ANKRD30BL: variants seen among roughly 807,000 people sequenced by gnomAD.
ANKRD30BL encodes the protein putative ankyrin repeat domain-containing protein 30B-like.
A neutral mutation model predicts 18.4 loss-of-function variants in ANKRD30BL; 20 were observed. The ratio of observed to expected loss-of-function variants is 1.09; its 90% CI spans 0.77 to 1.58. The LOEUF is 1.58. Ranked by LOEUF, ANKRD30BL falls within the 40% of genes most tolerant of loss-of-function variation. The probability of loss-of-function intolerance (pLI) is 0.00; values close to 1 mark genes in which losing one functional copy is unlikely to be tolerated. For synonymous variants in ANKRD30BL, 72 were observed against 100.9 expected (o/e 0.71, Z 1.72); for missense variants, 224 against 268.6 (o/e 0.83, Z 1.16).
At chr2:132,218,111 G>T (rs200472717) in intron 1 of ANKRD30BL, among the ~76,000 whole-genome samples, 1 of 135,448 alleles carries the variant, frequency 7.4e-6, no homozygotes, top group Non-Finnish European at 1.6e-5. Flanking sequence ...TTGGAAACGG[G>T]TATATCTTCA....
chr2:132,235,970 G>T (rs1573875070), intron 1 of ANKRD30BL, among the ~76,000 whole-genome samples: 1 of 152,204 alleles, frequency 6.6e-6, no homozygotes, highest in East Asian at 1.9e-4. Flanking sequence ...AAAACAGCAT[G>T]GTACTGGTAC....
chr2:132,221,198 G>C (rs375806833), intron 1 of ANKRD30BL, among the ~76,000 whole-genome samples: 2 of 142,510 alleles, frequency 1.4e-5, no homozygotes, highest in East Asian at 2.1e-4. Flanking sequence ...GGTGGGGGGG[G>C]GTCAGCCCCC....
chr2:132,245,426 A>T (rs10197418), intron 1 of ANKRD30BL, among the ~76,000 whole-genome samples: 16,546 of 34,634 alleles, frequency 0.48, 2,978 homozygotes, highest in African/African-American at 0.6. Flanking sequence ...AGGCCTATGG[A>T]GAAAAAAGGA....
intron 1 of ANKRD30BL, among the ~76,000 whole-genome samples, chr2:132,247,116 C>A (rs1268388681): frequency 1.2e-5 from 1 of 82,686 alleles, no homozygotes; most frequent in Non-Finnish European, 2.7e-5. Flanking sequence ...ACATTTGGAG[C>A]TCTTTGAGGC....
At chr2:132,207,879 T>A (rs566356087) in intron 1 of ANKRD30BL, among the ~76,000 whole-genome samples, 21 of 152,118 alleles carry the variant, frequency 1.4e-4, no homozygotes, top group Non-Finnish European at 2.6e-4. Context: ...GGAAGACTGG[T>A]TGTAGTTAGT....
At chr2:132,237,269 G>T (rs1050545029) in intron 1 of ANKRD30BL, among the ~76,000 whole-genome samples, 5 of 152,002 alleles carry the variant, frequency 3.3e-5, no homozygotes, top group South Asian at 2.1e-4. Flanking sequence ...AAAACTTAAA[G>T]AATAATAATA....
chr2:132,151,917 T>C (rs549796977), intron 4 of ANKRD30BL, among the ~76,000 whole-genome samples: 1 of 152,296 alleles, frequency 6.6e-6, no homozygotes, highest in African/African-American at 2.4e-5. Flanking sequence ...CCTTAAACTC[T>C]GAACCAACAA....
intron 5 of ANKRD30BL, among the ~76,000 whole-genome samples, chr2:132,148,517 A>G (rs1242049765): frequency 6.6e-6 from 1 of 151,428 alleles, no homozygotes; most frequent in Non-Finnish European, 1.5e-5. Flanking sequence ...TTACATATGC[A>G]TGCCACCCAG....
intron 1 of ANKRD30BL, among the ~76,000 whole-genome samples, chr2:132,227,885 A>G (rs1172655865): frequency 6.6e-6 from 1 of 152,046 alleles, no homozygotes; most frequent in East Asian, 1.9e-4. Flanking sequence ...GGGCATTTGA[A>G]GCGCTTTGCA....
intron 1 of ANKRD30BL, among the ~76,000 whole-genome samples, chr2:132,232,209 A>G (rs1325998250): frequency 1.3e-5 from 2 of 152,236 alleles, no homozygotes. Flanking sequence ...AAAGACCAAC[A>G]GTAGACAAAA....
intron 1 of ANKRD30BL, among the ~76,000 whole-genome samples, chr2:132,233,824 C>T (rs1680082718): frequency 6.6e-6 from 1 of 151,100 alleles, no homozygotes; most frequent in Non-Finnish European, 1.5e-5. Flanking sequence ...CTCAGCTCTG[C>T]ACCAAGTGGA....
At chr2:132,160,493 C>T (rs982844506) in intron 1 of ANKRD30BL, among the ~76,000 whole-genome samples, 14 of 148,142 alleles carry the variant, frequency 9.5e-5, no homozygotes, top group African/African-American at 3.3e-4. Context: ...GGCTGGAGTG[C>T]AGTGGTGCGA....
chr2:132,171,154 C>CAAAAAA lies in ANKRD30BL; in HGVS notation n.442-14014_442-14009dup, dbSNP rs34972551. 7.6e-4 allele frequency among the ~76,000 whole-genome samples: 92 copies of CAAAAAA among 120,580 alleles called. 2 individuals are homozygous for CAAAAAA. The highest frequency in any genetic ancestry group is 4.9e-3 in the South Asian group (18 of 3,702). 79.1% of individuals were successfully genotyped at this position (120,580 alleles called of 152,430 possible). ...TGGGAGACAGAGCCAGACTCTGTCT[C>CAAAAAA]AAAAAAAAAAAAAAGAATAACACTT... On this transcript the variant is annotated intron_variant and non_coding_transcript_variant, in intron 1 of 4. Transcript: ENST00000470729.
chr2:132,218,939 C>A (rs1359250816), intron 1 of ANKRD30BL, among the ~76,000 whole-genome samples: 2 of 151,526 alleles, frequency 1.3e-5, no homozygotes, highest in Non-Finnish European at 2.9e-5. Flanking sequence ...GACATTTGGA[C>A]CGCTTTGAGG....
At chr2:132,187,188 G>GTTTTTTTTTTTTTTTTTTTTTTTTT (rs1193358076) in intron 1 of ANKRD30BL, among the ~76,000 whole-genome samples, 5 of 90,618 alleles carry the variant, frequency 5.5e-5, no homozygotes, top group African/African-American at 8.0e-5. Flanking sequence ...TTTTTTGTTT[G>GTTTTTTTTTTTTTTTTTTTTTTTTT]TTTTTTTTTT....
chr2:132,228,956 A>G (rs959154728), intron 1 of ANKRD30BL, among the ~76,000 whole-genome samples: 3 of 151,984 alleles, frequency 2.0e-5, no homozygotes, highest in African/African-American at 7.3e-5. Flanking sequence ...TAAAAAATAG[A>G]TAGAAGCATT....
intron 1 of ANKRD30BL, among the ~76,000 whole-genome samples, chr2:132,232,809 C>T (rs1388868128): frequency 6.6e-6 from 1 of 152,036 alleles, no homozygotes; most frequent in Non-Finnish European, 1.5e-5. Flanking sequence ...GGCAGGCCAA[C>T]ATTCAGATTC....
At chr2:132,220,827 C>T (rs867034702) in intron 1 of ANKRD30BL, among the ~76,000 whole-genome samples, 100 of 151,048 alleles carry the variant, frequency 6.6e-4, no homozygotes, top group Middle Eastern at 3.4e-3. Context: ...GGCCGCCCAT[C>T]GTCTGGGATA....
chr2:132,213,891 T>C (rs1267517690), intron 1 of ANKRD30BL, among the ~76,000 whole-genome samples: 1 of 152,094 alleles, frequency 6.6e-6, no homozygotes, highest in Non-Finnish European at 1.5e-5. Flanking sequence ...TAGTTGAACA[T>C]TTCTTTTGAT....
Sources: allele counts gnomAD v4.1 joint callset (sites outside exome capture counted in the v4.1 genomes callset), GRCh38; gene constraint gnomAD v4.1.1; transcripts MANE v1.5; gene names NCBI Gene and HGNC (gene_info 2026-07-23, HGNC 2026-07-21).